Variants in C7 observed in about 807,000 individuals in gnomAD.
The protein encoded by C7 is complement component C7.
In C7, 83 loss-of-function variants were observed where a neutral mutation model predicts 104.8. The ratio of observed to expected loss-of-function variants is 0.79; its 90% CI spans 0.66 to 0.95. The LOEUF is 0.95. C7 is among the 40% of genes least tolerant of loss of function. The pLI, the probability that C7 is intolerant of heterozygous loss-of-function variation, is 0.00. For synonymous variants in C7, 415 were observed against 360.6 expected (o/e 1.15, Z -1.71); for missense variants, 1,070 against 1,011.2 (o/e 1.06, Z -0.79).
At chr5:40,928,747 T>C in intron 2 of C7, 112 bp downstream of exon 2, 1 of 569,712 alleles carries the variant, frequency 1.8e-6, no homozygotes, top group South Asian at 2.7e-5. Context: ...CTCCAACATA[T>C]TTTCTCTTTC....
chr5:40,950,089 T>G, intron 9 of C7, 75 bp downstream of exon 9: 1 of 815,924 alleles, frequency 1.2e-6, no homozygotes, highest in Non-Finnish European at 2.0e-6. Context: ...AGGGTACGCG[T>G]GAAGTTATGT....
chr5:40,970,664 A>G (rs921170526), intron 14 of C7, among the ~76,000 whole-genome samples: 2 of 152,028 alleles, frequency 1.3e-5, no homozygotes, highest in African/African-American at 4.8e-5. Flanking sequence ...ATAGGTATAT[A>G]TGTGCTATGG....
In C7 at chr5:40,976,780, G is replaced by A. The variant is rs201976045; in HGVS notation, c.2105G>A (p.Cys702Tyr). The change falls in exon 16 of 18, where the codon TGT (cysteine) becomes TAT (tyrosine). Residue 702 changes from cysteine (C) to tyrosine (Y), a missense_variant. Transcript: ENST00000313164. ...ENPLTQAVPKCQRWEKLQNSR... is the reference protein window; with the variant it reads ...ENPLTQAVPKYQRWEKLQNSR... ...CCGTTAACACAGGCAGTGCCTAAAT[G>A]TCAGCGCTGGGAGAAACTGCAGAAT... 5.6e-6 allele frequency: 9 copies of A among 1,605,016 alleles called. No homozygotes were observed. Among genetic ancestry groups the A allele is most frequent in the African/African-American group, 2.7e-5 (2 of 74,808 alleles).
intron 8 of C7, among the ~76,000 whole-genome samples, chr5:40,948,702 C>CTAA (rs1740102090): frequency 6.6e-6 from 1 of 152,166 alleles, no homozygotes; most frequent in African/African-American, 2.4e-5. Context: ...CCTTGGCTTA[C>CTAA]TAATGTTCCA....
intron 1 of C7, among the ~76,000 whole-genome samples, chr5:40,910,393 C>G (rs1457053866): frequency 6.6e-6 from 1 of 152,082 alleles, no homozygotes; most frequent in Admixed American, 6.6e-5. Context: ...TTTCACAGAT[C>G]TGTCAGTGGC....
chr5:40,944,223 T>C (rs1740000489), intron 6 of C7, among the ~76,000 whole-genome samples: 1 of 152,236 alleles, frequency 6.6e-6, no homozygotes, highest in African/African-American at 2.4e-5. Flanking sequence ...TGAATATTTA[T>C]ATAGAACAAA....
At chr5:40,972,288 C>T (rs761391205) in intron 14 of C7, 115 bp from the exon 15 acceptor site, 115 of 821,988 alleles carry the variant, frequency 1.4e-4, no homozygotes, top group Non-Finnish European at 1.6e-4. Flanking sequence ...ACGTCTTCCT[C>T]CTTGTCCTCT....
At chr5:40,977,321 A>G (rs1195743686) in intron 16 of C7, among the ~76,000 whole-genome samples, 1 of 152,188 alleles carries the variant, frequency 6.6e-6, no homozygotes, top group African/African-American at 2.4e-5. Context: ...TGAAGTAGTT[A>G]ATAGATGTCT....
chr5:40,958,270 G>A lies in C7; in HGVS notation c.1489+9G>A, dbSNP rs768054703. The A allele has an allele frequency of 1.2e-5, 19 of 1,563,366 alleles. No individual in the cohort carries two copies. Among genetic ancestry groups the A allele is most frequent in the Non-Finnish European group, 1.6e-5 (18 of 1,151,322 alleles). On this transcript the variant is annotated intron_variant, in intron 11 of 17. Transcript: ENST00000313164. ...CGTAGGGAATCAAGCAGGTCAGTGG[G>A]GTGAATTTTCTCTAGCCACCCTGTA...
chr5:40,911,301 T>A (rs1234388911), intron 1 of C7, among the ~76,000 whole-genome samples: 2 of 152,228 alleles, frequency 1.3e-5, no homozygotes, highest in East Asian at 1.9e-4. Flanking sequence ...TATGTCAGAC[T>A]TTTTAAGAGG....
At chr5:40,968,104 C>A (rs1055283859) in intron 14 of C7, among the ~76,000 whole-genome samples, 1 of 151,608 alleles carries the variant, frequency 6.6e-6, no homozygotes, top group Admixed American at 6.6e-5. Context: ...TCTTTTCCCC[C>A]TCTGTTTCAT....
intron 15 of C7, among the ~76,000 whole-genome samples, chr5:40,974,555 A>G (rs1334343996): frequency 6.6e-6 from 1 of 151,980 alleles, no homozygotes; most frequent in Admixed American, 6.6e-5. Flanking sequence ...AGCTGGGACT[A>G]CAGGTGCTCG....
intron 1 of C7, among the ~76,000 whole-genome samples, chr5:40,923,572 C>A (rs545311785): frequency 6.6e-6 from 1 of 152,006 alleles, no homozygotes; most frequent in Non-Finnish European, 1.5e-5. Flanking sequence ...ATGGTGAAAC[C>A]CTGTCTCTAC....
intron 1 of C7, among the ~76,000 whole-genome samples, chr5:40,921,265 A>G (rs1331433119): frequency 6.6e-6 from 1 of 152,166 alleles, no homozygotes; most frequent in South Asian, 2.1e-4. Flanking sequence ...GAAGTTAAAG[A>G]TTCTACAAAA....
chr5:40,910,789 C>CT (rs1739189730), intron 1 of C7, among the ~76,000 whole-genome samples: 1 of 125,942 alleles, frequency 7.9e-6, no homozygotes, highest in East Asian at 2.4e-4. Context: ...GAGACTCTCT[C>CT]TCAAAAAAAA....
intron 11 of C7, 74 bp downstream of exon 11, chr5:40,958,335 G>A (rs1163845010): frequency 2.3e-6 from 2 of 886,864 alleles, no homozygotes; most frequent in Non-Finnish European, 3.3e-6. Flanking sequence ...TGCTCCTTGA[G>A]ATGCTTCTTT....
intron 14 of C7, among the ~76,000 whole-genome samples, chr5:40,965,787 G>A (rs1740538242): frequency 1.3e-5 from 2 of 151,554 alleles, no homozygotes; most frequent in Non-Finnish European, 2.9e-5. Context: ...GACTACAGGT[G>A]TGTGCCAACA....
chr5:40,941,270 G>A (rs1739930191), intron 6 of C7, among the ~76,000 whole-genome samples: 1 of 151,892 alleles, frequency 6.6e-6, no homozygotes, highest in Non-Finnish European at 1.5e-5. Flanking sequence ...CGCCATGTCG[G>A]TCAGGCTGGT....
chr5:40,964,020 C>CTTTTTTTTTTTTT (rs869250524), intron 13 of C7, among the ~76,000 whole-genome samples: 1 of 39,862 alleles, frequency 2.5e-5, no homozygotes, highest in Middle Eastern at 0.029. Context: ...GCTCATAATA[C>CTTTTTTTTTTTTT]TTTTTTTTTT....
Sources: gnomAD v4.1 joint callset for allele counts (sites outside exome capture counted in the v4.1 genomes callset) on GRCh38, gnomAD v4.1.1 for gene constraint, MANE v1.5 for transcripts, NCBI Gene and HGNC (gene_info 2026-07-23, HGNC 2026-07-21) for gene names.